The following FSTL5 variants were observed in gnomAD, a reference collection of about 807,000 sequenced individuals.
The protein encoded by FSTL5 is follistatin like 5.
Under a neutral mutation model 89.1 loss-of-function variants are expected in FSTL5, and 62 were observed. The ratio of observed to expected loss-of-function variants is 0.70; its 90% CI spans 0.57 to 0.86. The LOEUF is 0.86. Among genes scored for constraint, FSTL5 ranks in the 40% least tolerant of loss-of-function variants. The pLI, the probability that FSTL5 is intolerant of heterozygous loss-of-function variation, is 0.00. For synonymous variants in FSTL5, 383 were observed against 346.2 expected, an observed-to-expected ratio of 1.11 and a Z score of -1.18; for missense variants, 1,057 against 1,001.6, an observed-to-expected ratio of 1.06 and a Z score of -0.75.
chr4:161,835,759 A>T (rs1731018796), intron 4 of FSTL5, among the ~76,000 whole-genome samples: 1 of 152,234 alleles, frequency 6.6e-6, no homozygotes, highest in South Asian at 2.1e-4. Flanking sequence ...ATGGGATACC[A>T]TCCCACACCA....
intron 10 of FSTL5, among the ~76,000 whole-genome samples, chr4:161,531,831 A>G (rs2126531094): frequency 6.6e-6 from 1 of 152,304 alleles, no homozygotes; most frequent in Non-Finnish European, 1.5e-5. Context: ...CATTATTATA[A>G]AACTCTGATT....
intron 4 of FSTL5, among the ~76,000 whole-genome samples, chr4:161,867,049 T>C (rs1489696614): frequency 6.6e-6 from 1 of 152,032 alleles, no homozygotes; most frequent in Admixed American, 6.6e-5. Context: ...TTAGGTTTAT[T>C]GTTAATTCAA....
intron 4 of FSTL5, among the ~76,000 whole-genome samples, chr4:161,888,233 A>T (rs1732877055): frequency 6.6e-6 from 1 of 152,150 alleles, no homozygotes; most frequent in African/African-American, 2.4e-5. Context: ...GAAAATTGAT[A>T]GAGTAATGTG....
chr4:161,712,654 G>C (rs987866412), intron 6 of FSTL5, among the ~76,000 whole-genome samples: 3 of 152,144 alleles, frequency 2.0e-5, no homozygotes, highest in African/African-American at 7.2e-5. Context: ...CTAGCAGGAG[G>C]GGTTTGGCTC....
At chr4:161,737,036 C>T (rs1480508658) in intron 6 of FSTL5, among the ~76,000 whole-genome samples, 2 of 152,024 alleles carry the variant, frequency 1.3e-5, no homozygotes, top group Non-Finnish European at 2.9e-5. Context: ...AAGGAAACTT[C>T]CCAGAGAGAC....
intron 8 of FSTL5, among the ~76,000 whole-genome samples, chr4:161,579,155 G>T (rs572037233): frequency 6.6e-6 from 1 of 152,276 alleles, no homozygotes; most frequent in South Asian, 2.1e-4. Flanking sequence ...ATACGTAGAA[G>T]TTAAATGTTT....
intron 15 of FSTL5, among the ~76,000 whole-genome samples, chr4:161,449,125 C>G (rs1261310964): frequency 1.3e-5 from 2 of 152,082 alleles, no homozygotes; most frequent in South Asian, 2.1e-4. Flanking sequence ...CTTAAAGTCT[C>G]CCTGTCAGTG....
chr4:161,518,712 C>G (rs1730924074), intron 10 of FSTL5, among the ~76,000 whole-genome samples: 1 of 152,146 alleles, frequency 6.6e-6, no homozygotes, highest in East Asian at 1.9e-4. Context: ...AAAATAAAAA[C>G]AACATCCATC....
chr4:161,827,264 G>A (rs1009624591), intron 4 of FSTL5, among the ~76,000 whole-genome samples: 6 of 152,206 alleles, frequency 3.9e-5, no homozygotes, highest in Non-Finnish European at 8.8e-5. Context: ...GCTTGGGAGT[G>A]GTTCTAGGGA....
At chr4:161,619,206 C>T (rs867133474) in intron 7 of FSTL5, among the ~76,000 whole-genome samples, 10 of 152,116 alleles carry the variant, frequency 6.6e-5, no homozygotes, top group Admixed American at 3.3e-4. Context: ...GGATTAAAGA[C>T]TTAAACGTTA....
At chr4:161,560,949 A>G (rs994665208) in intron 8 of FSTL5, among the ~76,000 whole-genome samples, 3 of 151,986 alleles carry the variant, frequency 2.0e-5, no homozygotes, top group Non-Finnish European at 4.4e-5. Flanking sequence ...TATTATTATC[A>G]AGTATTATGT....
At chr4:161,733,139 T>C (rs372379806) in intron 6 of FSTL5, among the ~76,000 whole-genome samples, 38 of 152,092 alleles carry the variant, frequency 2.5e-4, no homozygotes, top group African/African-American at 8.4e-4. Context: ...CTCCATTTGT[T>C]TCTTCTTTAA....
At chr4:161,782,363 A>G (rs1482835465) in intron 4 of FSTL5, among the ~76,000 whole-genome samples, 1 of 152,182 alleles carries the variant, frequency 6.6e-6, no homozygotes, top group African/African-American at 2.4e-5. Flanking sequence ...CCAGCAAGCA[A>G]TGGGTGAAAC....
intron 4 of FSTL5, among the ~76,000 whole-genome samples, chr4:161,916,710 A>T (rs1432321341): frequency 6.6e-6 from 1 of 152,146 alleles, no homozygotes; most frequent in Admixed American, 6.5e-5. Flanking sequence ...CAAATCATAA[A>T]TCACTAAAAA....
chr4:161,832,488 C>T (rs991699710), intron 4 of FSTL5, among the ~76,000 whole-genome samples: 74 of 152,168 alleles, frequency 4.9e-4, no homozygotes, highest in Non-Finnish European at 9.3e-4. Context: ...TGGTAGAATT[C>T]GGCTGTGAAT....
Position 161,820,834 on chromosome 4 carries a change from C to T in FSTL5, c.410-44760G>A, listed in dbSNP as rs562810790. ...TTTCATATGAGCATTAAAAAGATGT[C>T]AATGATAATCTGAGCCATAAAAATG... On this transcript the variant is annotated intron_variant, in intron 4 of 15. Coordinates refer to ENST00000306100, the MANE Select transcript of FSTL5 (RefSeq NM_020116.5). 4.6e-5 allele frequency among the ~76,000 whole-genome samples: 7 copies of T among 151,404 alleles called. No individual in the cohort carries two copies. In the South Asian group the frequency reaches 1.5e-3, roughly 32 times the overall value.
rs1560840757 is a variant in FSTL5, at chr4:161,779,777, A to AAAGT, written c.410-3704_410-3703insACTT. On this transcript the variant is annotated intron_variant, in intron 4 of 15. Coordinates refer to ENST00000306100, the MANE Select transcript of FSTL5 (RefSeq NM_020116.5). Reference sequence around the variant, plus strand: ...TGTAAAGTTATATATATATATATGTATATATATATATATATATATATATAT... The same window carrying AAAGT: ...TGTAAAGTTATATATATATATATGTAAAGTTATATATATATATATATATATATAT... 3.3e-3 allele frequency among the ~76,000 whole-genome samples: 209 copies of AAAGT among 63,178 alleles called. 17 individuals carry two copies. Among genetic ancestry groups the AAAGT allele is most frequent in the East Asian group, 9.5e-3 (18 of 1,902 alleles). The allele number at this position is 63,178 out of a possible 152,430, so 41.4% of individuals were successfully genotyped here. A position where few individuals can be genotyped will look rare whatever the true frequency, so the allele number is the denominator to read the frequency against.
intron 6 of FSTL5, among the ~76,000 whole-genome samples, chr4:161,669,333 GAA>G (rs1420957831): frequency 2.6e-5 from 4 of 151,882 alleles, no homozygotes; most frequent in Non-Finnish European, 5.9e-5. Context: ...AGATCAAGAT[GAA>G]CCAATGTTGA....
intron 10 of FSTL5, among the ~76,000 whole-genome samples, chr4:161,536,298 A>G (rs1731613460): frequency 1.3e-5 from 2 of 152,184 alleles, no homozygotes; most frequent in Admixed American, 6.6e-5. Context: ...ATTCCAAAAT[A>G]CAAATGTGCC....
Sources: gnomAD v4.1 joint callset for allele counts (sites outside exome capture counted in the v4.1 genomes callset) on GRCh38, gnomAD v4.1.1 for gene constraint, MANE v1.5 for transcripts, NCBI Gene and HGNC (gene_info 2026-07-23, HGNC 2026-07-21) for gene names.